The following BABAM2 variants were observed in gnomAD, a reference collection of about 807,000 sequenced individuals.
BABAM2 encodes BRISC and BRCA1-A complex member 2.
BABAM2 carries 31 observed loss-of-function variants against 54.7 expected under a neutral mutation model. The ratio of observed to expected loss-of-function variants is 0.57; its 90% CI spans 0.43 to 0.77. The LOEUF (loss-of-function observed/expected upper bound fraction) is 0.77. Among genes scored for constraint, BABAM2 ranks in the 30% least tolerant of loss-of-function variants. BABAM2 has a pLI of 0.00. For synonymous variants in BABAM2, 167 were observed against 162.9 expected, an observed-to-expected ratio of 1.03 and a Z score of -0.19; for missense variants, 364 against 455.8, an observed-to-expected ratio of 0.80 and a Z score of 1.83.
chr2:28,331,194 T>C (rs2148333264), intron 11 of BABAM2, among the ~76,000 whole-genome samples: 1 of 152,206 alleles, frequency 6.6e-6, no homozygotes, highest in South Asian at 2.1e-4. Flanking sequence ...AAGACTTAAA[T>C]ATAAAACCAA....
At chr2:28,116,354 A>G (rs1668613515) in intron 6 of BABAM2, among the ~76,000 whole-genome samples, 1 of 152,066 alleles carries the variant, frequency 6.6e-6, no homozygotes, top group Admixed American at 6.5e-5. Context: ...AAATCAAAAG[A>G]CCTCTGATCA....
At chr2:28,211,820 T>A (rs1160088981) in intron 7 of BABAM2, among the ~76,000 whole-genome samples, 1 of 152,236 alleles carries the variant, frequency 6.6e-6, no homozygotes, top group East Asian at 1.9e-4. Flanking sequence ...AGAAAAATTT[T>A]GTATCACAAT....
At chr2:28,058,592 A>G (rs1030939370) in intron 6 of BABAM2, among the ~76,000 whole-genome samples, 4 of 151,446 alleles carry the variant, frequency 2.6e-5, no homozygotes, top group Non-Finnish European at 5.9e-5. Flanking sequence ...GTATAATTTT[A>G]TATACCAGCT....
At chr2:27,957,966 G>A (rs1471517065) in intron 3 of BABAM2, among the ~76,000 whole-genome samples, 1 of 152,196 alleles carries the variant, frequency 6.6e-6, no homozygotes, top group Non-Finnish European at 1.5e-5. Flanking sequence ...ACTACATGAA[G>A]AGGCCACATG....
intron 7 of BABAM2, among the ~76,000 whole-genome samples, chr2:28,230,888 A>G (rs372819977): frequency 6.6e-6 from 1 of 152,174 alleles, no homozygotes; most frequent in African/African-American, 2.4e-5. Context: ...TGAGATGACA[A>G]GGTGATTAAT....
intron 10 of BABAM2, among the ~76,000 whole-genome samples, chr2:28,256,441 A>G (rs1475311567): frequency 6.6e-6 from 1 of 152,214 alleles, no homozygotes; most frequent in East Asian, 1.9e-4. Flanking sequence ...ATTTATGTAA[A>G]GAAAATGCGT....
chr2:28,112,147 TTACCTCCCTCCC>T lies in BABAM2; in HGVS notation c.571-17122_571-17111del, dbSNP rs1474988675. 4.8e-3 allele frequency among the ~76,000 whole-genome samples: 25 copies of T among 5,242 alleles called. 1 individual carries two copies. Among genetic ancestry groups the T allele is most frequent in the African/African-American group, 8.8e-3 (9 of 1,024 alleles). 3.4% of individuals were successfully genotyped at this position (5,242 alleles called of 152,430 possible). ...TTTCTTTCTTTCTTTCTTTCTTTCT[TTACCTCCCTCCC>T]TCCCTCCCTCCCTCCCTCCCTCCCT... On this transcript the variant is annotated intron_variant, in intron 6 of 11. Transcript: ENST00000379624.
chr2:28,163,756 G>A (rs571413050), intron 7 of BABAM2, among the ~76,000 whole-genome samples: 13 of 152,326 alleles, frequency 8.5e-5, no homozygotes, highest in African/African-American at 3.1e-4. Context: ...TGGGCTGATG[G>A]AGCTGGGTCA....
At chr2:28,116,948 G>A (rs922380746) in intron 6 of BABAM2, among the ~76,000 whole-genome samples, 8 of 152,144 alleles carry the variant, frequency 5.3e-5, no homozygotes, top group Non-Finnish European at 1.2e-4. Flanking sequence ...TGATAAACTG[G>A]CAAAACATTT....
chr2:28,014,123 C>G (rs1221099694), intron 4 of BABAM2, among the ~76,000 whole-genome samples: 1 of 152,096 alleles, frequency 6.6e-6, no homozygotes, highest in Non-Finnish European at 1.5e-5. Flanking sequence ...ATTACTGATT[C>G]CACTTAGCAG....
At chr2:28,121,732 A>G (rs1262269543) in intron 6 of BABAM2, among the ~76,000 whole-genome samples, 2 of 151,976 alleles carry the variant, frequency 1.3e-5, no homozygotes, top group Admixed American at 1.3e-4. Flanking sequence ...TATTTTATTT[A>G]TTTTGTTAAA....
chr2:27,890,896 C>A lies in BABAM2; in HGVS notation c.-25+54C>A. ...GTTGGATCCCGAGTCGCACAGGTGG[C>A]GTGGAGAACTGTGGTTTAAATATGG... On this transcript the variant is annotated intron_variant, in intron 1 of 11. Coordinates refer to ENST00000379624, the MANE Select transcript of BABAM2 (RefSeq NM_199191.3). The surrounding 1 kb of genome is among the most constrained non-coding windows in gnomAD (Gnocchi z 4.8). The A allele has an allele frequency of 6.5e-6, 1 of 152,728 alleles. No individual in the cohort carries two copies. The highest frequency in any genetic ancestry group is 1.5e-5 in the Non-Finnish European group (1 of 68,098). 9.5% of individuals were successfully genotyped at this position (152,728 alleles called of 1,614,324 possible). A position where few individuals can be genotyped will look rare whatever the true frequency, so the allele number is the denominator to read the frequency against.
At chr2:28,205,669 T>A (rs1023830111) in intron 7 of BABAM2, among the ~76,000 whole-genome samples, 3 of 152,194 alleles carry the variant, frequency 2.0e-5, no homozygotes, top group Admixed American at 6.5e-5. Flanking sequence ...ATTAATATGG[T>A]CTTAAGTCTA....
At chr2:28,039,618 C>T (rs1354870158) in intron 5 of BABAM2, among the ~76,000 whole-genome samples, 1 of 152,200 alleles carries the variant, frequency 6.6e-6, no homozygotes, top group African/African-American at 2.4e-5. Flanking sequence ...GGAAGTGCCT[C>T]TAAGAAAGGA....
At chr2:28,318,653 C>G (rs1572409208) in intron 11 of BABAM2, among the ~76,000 whole-genome samples, 1 of 152,162 alleles carries the variant, frequency 6.6e-6, no homozygotes, top group Admixed American at 6.6e-5. Context: ...TTACAAAGGG[C>G]GGGGCTTATT....
chr2:28,069,770 A>C (rs545405391), intron 6 of BABAM2, among the ~76,000 whole-genome samples: 6 of 152,374 alleles, frequency 3.9e-5, no homozygotes, highest in African/African-American at 1.4e-4. Flanking sequence ...GTATCTGTGA[A>C]GGTTAAATGA....
chr2:28,298,658 C>T (rs535148789), intron 11 of BABAM2, among the ~76,000 whole-genome samples, 167 bp downstream of exon 11: 12 of 152,270 alleles, frequency 7.9e-5, no homozygotes, highest in African/African-American at 2.9e-4. Flanking sequence ...TATCTGTGGC[C>T]GCTTTAATGC....
chr2:28,013,694 TACACACACACACACACAC>T (rs56148921), intron 4 of BABAM2, among the ~76,000 whole-genome samples: 1 of 105,996 alleles, frequency 9.4e-6, no homozygotes, highest in Non-Finnish European at 1.8e-5. Flanking sequence ...AAAAAGCTCT[TACACACACACACACACAC>T]ACACACACAC....
At chr2:28,132,888 A>G (rs1201076532) in intron 7 of BABAM2, among the ~76,000 whole-genome samples, 1 of 152,218 alleles carries the variant, frequency 6.6e-6, no homozygotes, top group Non-Finnish European at 1.5e-5. Context: ...AATGCCGTGC[A>G]TAAATGCAAT....
Sources: gnomAD v4.1 joint callset for allele counts (sites outside exome capture counted in the v4.1 genomes callset) on GRCh38, gnomAD v4.1.1 for gene constraint, Gnocchi (gnomAD v3.1) non-coding constraint, MANE v1.5 for transcripts, NCBI Gene and HGNC (gene_info 2026-07-23, HGNC 2026-07-21) for gene names.